Variants in FAF1 observed in about 807,000 individuals in gnomAD.
FAF1 encodes the protein FAS-associated factor 1.
FAF1 carries 25 observed loss-of-function variants against 92.5 expected under a neutral mutation model. The observed-to-expected ratio is 0.27, with a 90% CI of 0.20 to 0.38. FAF1 has a LOEUF of 0.38. FAF1 is among the 10% of genes least tolerant of loss of function. FAF1 has a pLI of 1.00. For missense variants in FAF1, 636 were observed against 793.3 expected, an observed-to-expected ratio of 0.80 and a Z score of 2.38; for synonymous variants, 234 against 273.2, an observed-to-expected ratio of 0.86 and a Z score of 1.42.
chr1:50,647,818 G>GAGGA (rs1654662519), intron 8 of FAF1, among the ~76,000 whole-genome samples: 1 of 152,136 alleles, frequency 6.6e-6, no homozygotes. Flanking sequence ...AGCCAGAGAG[G>GAGGA]AGGAAGGAAG....
intron 1 of FAF1, among the ~76,000 whole-genome samples, chr1:50,939,486 G>A (rs1218703354): frequency 1.3e-5 from 2 of 152,138 alleles, no homozygotes; most frequent in African/African-American, 4.8e-5. Context: ...GGGTTTTCTA[G>A]GTATAGTTTG....
intron 7 of FAF1, among the ~76,000 whole-genome samples, chr1:50,671,500 G>C (rs1655875609): frequency 1.3e-5 from 2 of 152,120 alleles, no homozygotes; most frequent in Admixed American, 6.6e-5. Flanking sequence ...CAAAACGATT[G>C]CTTGAGCATG....
At chr1:50,804,744 T>C (rs1026314975) in intron 2 of FAF1, among the ~76,000 whole-genome samples, 5 of 152,196 alleles carry the variant, frequency 3.3e-5, no homozygotes, top group Non-Finnish European at 7.3e-5. Context: ...CATAAGAATA[T>C]TGATTTCTTG....
intron 1 of FAF1, among the ~76,000 whole-genome samples, chr1:50,896,785 G>A (rs148432866): frequency 6.7e-4 from 102 of 152,298 alleles, no homozygotes; most frequent in African/African-American, 2.1e-3. Context: ...ACAATGGTGT[G>A]AGGGGCATGG....
At chr1:50,891,155 C>T (rs2124700381) in intron 1 of FAF1, among the ~76,000 whole-genome samples, 1 of 152,290 alleles carries the variant, frequency 6.6e-6, no homozygotes, top group East Asian at 1.9e-4. Context: ...ATGAAATCGG[C>T]TATTGAAGCT....
rs35479561 is a variant in FAF1 at position 50,457,724 on chromosome 1, C to CAAAAAAAAAAAAAAAAAAAAAAAAAAAA, written c.1870-16202_1870-16201insTTTTTTTTTTTTTTTTTTTTTTTTTTTT. Among the ~76,000 whole-genome samples the CAAAAAAAAAAAAAAAAAAAAAAAAAAAA allele has an allele frequency of 1.0e-3, 57 of 56,538 alleles. 1 individual carries two copies. The highest frequency in any genetic ancestry group is 1.2e-3 in the African/African-American group (13 of 10,436). The allele number at this position is 56,538 out of a possible 152,430, so 37.1% of individuals were successfully genotyped here. On this transcript the variant is annotated intron_variant, in intron 18 of 18. Coordinates refer to ENST00000396153, the MANE Select transcript of FAF1 (RefSeq NM_007051.3). ...GCAATTCGGTGAAACCCCATCTCTGCAAAAAAAAAAAAAAAAAAAAAATAC... is the reference window on the plus strand; with the variant it reads ...GCAATTCGGTGAAACCCCATCTCTGCAAAAAAAAAAAAAAAAAAAAAAAAAAAAAAAAAAAAAAAAAAAAAAAAAATAC...
At chr1:50,793,706 T>C (rs1661644524) in intron 3 of FAF1, among the ~76,000 whole-genome samples, 4 of 152,200 alleles carry the variant, frequency 2.6e-5, no homozygotes, top group Non-Finnish European at 4.4e-5. Flanking sequence ...AATACCTTCA[T>C]TGTCTTCCTA....
intron 8 of FAF1, among the ~76,000 whole-genome samples, chr1:50,640,459 C>CT (rs1237239497): frequency 1.3e-5 from 2 of 151,186 alleles, no homozygotes; most frequent in Admixed American, 6.6e-5. Context: ...TACCCAGCTA[C>CT]TTTTTTTTGT....
intron 2 of FAF1, among the ~76,000 whole-genome samples, chr1:50,822,590 T>C (rs2124621607): frequency 6.6e-6 from 1 of 152,294 alleles, no homozygotes; most frequent in South Asian, 2.1e-4. Flanking sequence ...CACTCACCTC[T>C]CTTCCTTCTG....
At chr1:50,452,625 C>A (rs758121136) in intron 18 of FAF1, among the ~76,000 whole-genome samples, 3 of 152,110 alleles carry the variant, frequency 2.0e-5, no homozygotes, top group Non-Finnish European at 4.4e-5. Flanking sequence ...GTGTTTGGAA[C>A]AAGACATTAA....
At chr1:50,729,058 A>ATATATATATATATATTTTT (rs1375923156) in intron 6 of FAF1, among the ~76,000 whole-genome samples, 1 of 70,132 alleles carries the variant, frequency 1.4e-5, no homozygotes, top group Non-Finnish European at 2.7e-5. Flanking sequence ...ATATATATAT[A>ATATATATATATATATTTTT]TTTTTTTTTT....
chr1:50,759,562 T>C (rs1015444907), intron 4 of FAF1, among the ~76,000 whole-genome samples: 3 of 152,070 alleles, frequency 2.0e-5, no homozygotes, highest in African/African-American at 7.2e-5. Context: ...TGTTGGACAT[T>C]TGGGTTGGTT....
At chr1:50,606,563 G>A (rs1408576958) in intron 8 of FAF1, among the ~76,000 whole-genome samples, 1 of 128,696 alleles carries the variant, frequency 7.8e-6, no homozygotes, top group Admixed American at 9.3e-5. Context: ...GCAATGGCAC[G>A]ATCTCAGCTC....
chr1:50,793,502 C>T (rs2124581179), intron 3 of FAF1, among the ~76,000 whole-genome samples: 1 of 152,134 alleles, frequency 6.6e-6, no homozygotes, highest in African/African-American at 2.4e-5. Context: ...TTCCCTAGGC[C>T]CTGGAGGTAT....
intron 1 of FAF1, among the ~76,000 whole-genome samples, chr1:50,898,626 G>C (rs1301159849): frequency 2.6e-5 from 4 of 152,106 alleles, no homozygotes; most frequent in African/African-American, 9.7e-5. Flanking sequence ...GGAGAGAATA[G>C]GGCATTCTCC....
At chr1:50,480,933 T>C (rs945827974) in intron 17 of FAF1, among the ~76,000 whole-genome samples, 1 of 152,174 alleles carries the variant, frequency 6.6e-6, no homozygotes, top group African/African-American at 2.4e-5. Flanking sequence ...GATGTGAATA[T>C]GGAAGACAAT....
intron 8 of FAF1, among the ~76,000 whole-genome samples, chr1:50,621,876 C>G (rs1653228608): frequency 6.6e-6 from 1 of 152,084 alleles, no homozygotes; most frequent in African/African-American, 2.4e-5. Flanking sequence ...TAGAAAGATT[C>G]CCCTGCTGGC....
At chr1:50,558,898 A>G (rs1649726778) in intron 13 of FAF1, among the ~76,000 whole-genome samples, 1 of 152,208 alleles carries the variant, frequency 6.6e-6, no homozygotes, top group African/African-American at 2.4e-5. Context: ...TCCAAATCAG[A>G]GTAAAAAAGG....
chr1:50,705,912 A>T, intron 6 of FAF1, 21 bp from the exon 7 acceptor site: 1 of 1,459,804 alleles, frequency 6.9e-7, no homozygotes, highest in Non-Finnish European at 9.6e-7. Context: ...TGAAAGAAAA[A>T]CAAGGAACTC....
Sources: allele counts gnomAD v4.1 joint callset (sites outside exome capture counted in the v4.1 genomes callset), GRCh38; gene constraint gnomAD v4.1.1; transcripts MANE v1.5; gene names NCBI Gene and HGNC (gene_info 2026-07-23, HGNC 2026-07-21).